PRAMEF12: variants seen among roughly 807,000 people sequenced by gnomAD.
The protein encoded by PRAMEF12 is PRAME family member 12.
A neutral mutation model predicts 24.6 loss-of-function variants in PRAMEF12; 24 were observed. That is an observed-to-expected ratio of 0.98 (90% confidence interval 0.71 to 1.37). PRAMEF12 has a LOEUF of 1.37. Among genes scored for constraint, PRAMEF12 ranks in the 40% most tolerant of loss-of-function variants. The probability of loss-of-function intolerance (pLI) is 0.00; values close to 1 mark genes in which losing one functional copy is unlikely to be tolerated. For missense variants in PRAMEF12, 646 were observed against 580.3 expected, an observed-to-expected ratio of 1.11 and a Z score of -1.16; for synonymous variants, 286 against 242.6, an observed-to-expected ratio of 1.18 and a Z score of -1.66.
chr1:12,774,916 C>T lies in PRAMEF12; in HGVS notation c.49C>T (p.Leu17=), dbSNP rs779354196. Residue 17 remains leucine, a synonymous_variant, in exon 1 of 3, where the codon CTG becomes TTG. Transcript: ENST00000357726. ...ACTCCTGGAGCTGGCTGAGCAGAGT[C>T]TGCTGAGAGACCGGGCCTTGGCCAT... ...PRLLELAEQS[L]LRDRALAIPT... 4 of 1,613,826 alleles carry T rather than the reference C, an allele frequency of 2.5e-6. No homozygotes were observed. Among genetic ancestry groups the T allele is most frequent in the Non-Finnish European group, 2.5e-6 (3 of 1,179,902 alleles).
In PRAMEF12 at chr1:12,777,194, C is replaced by G. The variant is rs371643266; in HGVS notation, c.1047C>G (p.Thr349=). 1 of 1,613,230 alleles carries G rather than the reference C, an allele frequency of 6.2e-7. No individual in the cohort carries two copies. Among genetic ancestry groups the G allele is most frequent in the Admixed American group, 1.7e-5 (1 of 60,018 alleles). ...TTCTGCTGGAGCAAGCTGAGGCCAC[C>G]CTGCAGACCCTGGACTTAGAGGACT... ...LSVLLEQAEA[T]LQTLDLEDCG... The change falls in exon 3 of 3, where the codon ACC becomes ACG. Residue 349 remains threonine (T), a synonymous_variant. Transcript: ENST00000357726.
rs1274492324 is a variant in PRAMEF12, at chr1:12,775,169, C to A, written c.287+15C>A. ...GTTCGCCCCAGGTGAGGTGACCCAG[C>A]TAACCAGGTGGGGAGGGCTCAGGCA... On this transcript the variant is annotated intron_variant, in intron 1 of 2. Coordinates refer to ENST00000357726, the MANE Select transcript of PRAMEF12 (RefSeq NM_001080830.5). 1 of 1,598,680 alleles carries A rather than the reference C, an allele frequency of 6.3e-7. No homozygotes were observed. The highest frequency in any genetic ancestry group is 1.1e-5 in the South Asian group (1 of 87,598).
intron 2 of PRAMEF12, 116 bp downstream of exon 2, chr1:12,776,234 A>C: frequency 9.3e-7 from 1 of 1,075,448 alleles, no homozygotes; most frequent in South Asian, 1.4e-5. Flanking sequence ...AGCGAAGGGG[A>C]CACTAGAATG....
chr1:12,774,149 G>T lies in PRAMEF12; in HGVS notation c.-719G>T, dbSNP rs1239978796. The stretch of plus-strand genomic sequence containing the variant: ...TAAATTATAGTTCATAGACTTGGTG[G>T]CATCGTGATTTTACATGTTAGGCCT... On this transcript the variant is annotated 5_prime_UTR_variant, in exon 1 of 3. Coordinates refer to ENST00000357726, the MANE Select transcript of PRAMEF12 (RefSeq NM_001080830.5). Among the ~76,000 whole-genome samples the T allele has an allele frequency of 6.6e-6, 1 of 151,958 alleles. No individual in the cohort carries two copies. The highest frequency in any genetic ancestry group is 2.4e-5 in the African/African-American group (1 of 41,326).
rs187204759 is a variant in PRAMEF12, at chr1:12,777,515, C to T, written c.1368C>T (p.Cys456=). The change falls in exon 3 of 3, where the codon TGC becomes TGT. Residue 456 remains cysteine (C), a synonymous_variant. Coordinates refer to ENST00000357726, the MANE Select transcript of PRAMEF12 (RefSeq NM_001080830.5). ...TAATTGTGTTCAGCACTGTCCCCTG[C>T]CCTCGCTGTGGCATCAGGGCCTCCT... The part of the protein sequence containing the change: ...PKIIVFSTVP[C]PRCGIRASYD... 2 of 1,614,114 alleles carry T rather than the reference C, an allele frequency of 1.2e-6. No homozygotes were observed. Among genetic ancestry groups the T allele is most frequent in the East Asian group, 2.2e-5 (1 of 44,862 alleles).
rs1371902171 is a variant in PRAMEF12 at position 12,774,047 on chromosome 1, T to A, written c.-821T>A. Among the ~76,000 whole-genome samples, 1 of 152,196 alleles carries A rather than the reference T, an allele frequency of 6.6e-6. No individual in the cohort carries two copies. The highest frequency in any genetic ancestry group is 6.5e-5 in the Admixed American group (1 of 15,284). ...ATTCTTATTGAAGCAGTTTTTTTTT[T>A]AACAAGAGATATTAAAAAGTTACAA... is the stretch of plus-strand genomic sequence containing the variant. On this transcript the variant is annotated 5_prime_UTR_variant, in exon 1 of 3. Coordinates refer to ENST00000357726, the MANE Select transcript of PRAMEF12 (RefSeq NM_001080830.5).
At position 12,775,744 on chromosome 1, in the gene PRAMEF12, C is replaced by T. The variant is rs1486964883; in HGVS notation, c.489C>T (p.Thr163=). 3 of 1,613,722 alleles carry T rather than the reference C, an allele frequency of 1.9e-6. No homozygotes were observed. Among genetic ancestry groups the T allele is most frequent in the South Asian group, 2.2e-5 (2 of 91,054 alleles). The change falls in exon 2 of 3, where the codon ACC becomes ACT. Residue 163 remains threonine (T), a synonymous_variant. Transcript: ENST00000357726. The part of the protein sequence containing the change: ...FKNGTLDECL[T]HFLEWGKQRK... Reference sequence around the variant, plus strand: ...ATGGGACGCTGGATGAATGCCTCACCCACTTCTTAGAGTGGGGCAAGCAGA... The same window carrying T: ...ATGGGACGCTGGATGAATGCCTCACTCACTTCTTAGAGTGGGGCAAGCAGA...
At position 12,774,833 on chromosome 1, in the gene PRAMEF12, G is replaced by T. The variant is rs768822425; in HGVS notation, c.-35G>T. On this transcript the variant is annotated 5_prime_UTR_variant, in exon 1 of 3. Coordinates refer to ENST00000357726, the MANE Select transcript of PRAMEF12 (RefSeq NM_001080830.5). ...AGATGATGAAGTGATGTGATTTGCC[G>T]TAAGAATGATGTTTTTTTCTCTAGA... 1 of 1,547,994 alleles carries T rather than the reference G, an allele frequency of 6.5e-7. No individual in the cohort carries two copies. The highest frequency in any genetic ancestry group is 1.3e-5 in the South Asian group (1 of 79,778).
In PRAMEF12 at chr1:12,777,131, C is replaced by T. The variant is rs766634735; in HGVS notation, c.984C>T (p.Gly328=). Residue 328 remains glycine, a synonymous_variant, in exon 3 of 3, where the codon GGC becomes GGT. Transcript: ENST00000357726. ...AGCTAAAAGAGCTAGACCTGAGGGG[C>T]ATCACACTGACCCATTTCAGTCCTG... ...IRQLKELDLR[G]ITLTHFSPEP... is the part of the protein sequence containing the mutation. 7 of 1,613,856 alleles carry T rather than the reference C, an allele frequency of 4.3e-6. No individual in the cohort carries two copies. The highest frequency in any genetic ancestry group is 1.7e-5 in the Admixed American group (1 of 59,998).
chr1:12,775,232 G>A, intron 1 of PRAMEF12, 78 bp downstream of exon 1: 2 of 1,475,574 alleles, frequency 1.4e-6, no homozygotes, highest in Non-Finnish European at 9.2e-7. Flanking sequence ...GGAGTGGGAG[G>A]CCCAAGGGTG....
In PRAMEF12 at chr1:12,774,587, G is replaced by A. The variant is rs111561378; in HGVS notation, c.-281G>A. 2.3e-3 allele frequency among the ~76,000 whole-genome samples: 349 copies of A among 152,274 alleles called. 2 individuals are homozygous for A. Among genetic ancestry groups the A allele is most frequent in the African/African-American group, 8.1e-3 (335 of 41,544 alleles). ...CAAAAAGGTGGAGCTTAGCTTTCAG[G>A]ATCCTCAGCAACGCTTCCCAGTGTT... is the stretch of plus-strand genomic sequence containing the variant. On this transcript the variant is annotated 5_prime_UTR_variant, in exon 1 of 3. Coordinates refer to ENST00000357726, the MANE Select transcript of PRAMEF12 (RefSeq NM_001080830.5).
chr1:12,773,771 G>T lies in PRAMEF12; in HGVS notation c.-1097G>T, dbSNP rs542577878. 6.6e-6 allele frequency among the ~76,000 whole-genome samples: 1 copy of T among 152,244 alleles called. No homozygotes were observed. Among genetic ancestry groups the T allele is most frequent in the African/African-American group, 2.4e-5 (1 of 41,540 alleles). On this transcript the variant is annotated 5_prime_UTR_variant, in exon 1 of 3. Coordinates refer to ENST00000357726, the MANE Select transcript of PRAMEF12 (RefSeq NM_001080830.5). ...GCGCTGACACCTGGAGCTACTGCTC[G>T]GTTCTCTGAGAGGTTGCAGCACCCT...
chr1:12,774,653 A>G lies in PRAMEF12; in HGVS notation c.-215A>G, dbSNP rs1639021149. Among the ~76,000 whole-genome samples, 2 of 152,178 alleles carry G rather than the reference A, an allele frequency of 1.3e-5. No homozygotes were observed. Among genetic ancestry groups the G allele is most frequent in the Non-Finnish European group, 2.9e-5 (2 of 68,038 alleles). ...AGCAATGGTTGAAAATGAATGGGCC[A>G]GTGGTTACCTTGCCCTCTCCTCATT... is the stretch of plus-strand genomic sequence containing the variant. On this transcript the variant is annotated 5_prime_UTR_variant, in exon 1 of 3. Coordinates refer to ENST00000357726, the MANE Select transcript of PRAMEF12 (RefSeq NM_001080830.5).
Position 12,774,806 on chromosome 1 carries a change from G to A in PRAMEF12, c.-62G>A. 2.0e-6 allele frequency: 3 copies of A among 1,476,880 alleles called. No homozygotes were observed. The highest frequency in any genetic ancestry group is 4.6e-5 in the East Asian group (2 of 43,952). 91.5% of individuals were successfully genotyped at this position (1,476,880 alleles called of 1,614,324 possible). ...TACCAGAGCAATGACATTGGCACTA[G>A]GAGATGATGAAGTGATGTGATTTGC... On this transcript the variant is annotated 5_prime_UTR_variant, in exon 1 of 3. Transcript: ENST00000357726.
intron 2 of PRAMEF12, among the ~76,000 whole-genome samples, 154 bp downstream of exon 2, chr1:12,776,272 G>A (rs1639050657): frequency 6.6e-6 from 1 of 152,158 alleles, no homozygotes; most frequent in Admixed American, 6.5e-5. Flanking sequence ...TGGCAGCTCT[G>A]TCCTGAAATA....
Position 12,777,649 on chromosome 1 carries a change from T to G in PRAMEF12, c.*50T>G, listed in dbSNP as rs1639077541. The stretch of plus-strand genomic sequence containing the variant: ...CTGAATCCTAGGCCATGAGTGTATG[T>G]CAAAGGGAGCACAGACCCATCGTTT... On this transcript the variant is annotated 3_prime_UTR_variant, in exon 3 of 3. Transcript: ENST00000357726. 6.3e-7 allele frequency: 1 copy of G among 1,597,884 alleles called. No homozygotes were observed. The highest frequency in any genetic ancestry group is 1.3e-5 in the African/African-American group (1 of 74,482).
At chr1:12,776,237 C>A in intron 2 of PRAMEF12, 119 bp downstream of exon 2, 4 of 1,027,910 alleles carry the variant, frequency 3.9e-6, no homozygotes, top group Non-Finnish European at 5.9e-6. Context: ...GAAGGGGACA[C>A]TAGAATGTCC....
Position 12,775,083 on chromosome 1 carries a change from A to G in PRAMEF12, c.216A>G (p.Ser72=), listed in dbSNP as rs758877294. The part of the protein sequence containing the change: ...TCLPLGSLMK[S]CNLEIFRAVL... The stretch of plus-strand genomic sequence containing the variant: ...TTCCTCTAGGGTCCCTGATGAAGTC[A>G]TGTAATCTAGAGATCTTTCGAGCTG... The change falls in exon 1 of 3, where the codon TCA becomes TCG. Residue 72 remains serine (S), a synonymous_variant. Coordinates refer to ENST00000357726, the MANE Select transcript of PRAMEF12 (RefSeq NM_001080830.5). 1 of 1,614,182 alleles carries G rather than the reference A, an allele frequency of 6.2e-7. No homozygotes were observed. The highest frequency in any genetic ancestry group is 1.1e-5 in the South Asian group (1 of 91,092).
rs756697041 is a variant in PRAMEF12, at chr1:12,773,882, T to C, written c.-986T>C. Among the ~76,000 whole-genome samples the C allele has an allele frequency of 1.6e-4, 25 of 152,202 alleles. No homozygotes were observed. Among genetic ancestry groups the C allele is most frequent in the Admixed American group, 5.2e-4 (8 of 15,290 alleles). On this transcript the variant is annotated 5_prime_UTR_variant, in exon 1 of 3. Transcript: ENST00000357726. ...CAGCCAGCCAGCCAGTCAGGGATGG[T>C]GACATGCAGCCCAAGGTGGCAGAGA...
Sources: gnomAD v4.1 joint callset for allele counts (sites outside exome capture counted in the v4.1 genomes callset) on GRCh38, gnomAD v4.1.1 for gene constraint, MANE v1.5 for transcripts, NCBI Gene and HGNC (gene_info 2026-07-23, HGNC 2026-07-21) for gene names.